PHC2: variants seen among roughly 807,000 people sequenced by gnomAD.
The protein encoded by PHC2 is polyhomeotic homolog 2, also known as polyhomeotic-like protein 2.
A neutral mutation model predicts 87.4 loss-of-function variants in PHC2; 29 were observed. The ratio of observed to expected loss-of-function variants is 0.33; its 90% CI spans 0.25 to 0.45. The LOEUF (loss-of-function observed/expected upper bound fraction) is 0.45. Ranked by LOEUF, PHC2 falls within the 20% of genes least tolerant of loss-of-function variation. The pLI is 1.00. For missense variants in PHC2, 857 were observed against 1,136.7 expected, an observed-to-expected ratio of 0.75 and a Z score of 3.54; for synonymous variants, 438 against 461.7, an observed-to-expected ratio of 0.95 and a Z score of 0.66.
At chr1:33,429,042 A>G (rs1268709354) in intron 1 of PHC2, among the ~76,000 whole-genome samples, 1 of 152,178 alleles carries the variant, frequency 6.6e-6, no homozygotes, top group Non-Finnish European at 1.5e-5. Flanking sequence ...GACATTCAGC[A>G]TTGCTTCCCT....
chr1:33,354,558 C>A lies in PHC2; in HGVS notation c.1401G>T (p.Gln467His). Residue 467 changes from glutamine (Q) to histidine (H), a missense_variant, in exon 9 of 15, where the codon CAG becomes CAT. Gln to His is a conservative substitution (Grantham distance 24). Transcript: ENST00000683057. Reference protein sequence around the residue: ...QLQPASPVPQQCVPDDWKEVA... With the variant: ...QLQPASPVPQHCVPDDWKEVA... ...CTTCTTTCCAGTCATCAGGGACACACTGCTGGGGCTGTCAAAGGACAGGAC... is the reference window on the plus strand; with the variant it reads ...CTTCTTTCCAGTCATCAGGGACACAATGCTGGGGCTGTCAAAGGACAGGAC... The A allele has an allele frequency of 6.2e-7, 1 of 1,613,134 alleles. No homozygotes were observed.
intron 14 of PHC2, chr1:33,325,240 C>T: frequency 1.9e-6 from 1 of 539,364 alleles, no homozygotes; most frequent in Non-Finnish European, 3.3e-6. Flanking sequence ...TCCTATGTTC[C>T]CCTGTTCAGA....
intron 1 of PHC2, chr1:33,392,886 C>A (rs1417552384): frequency 6.6e-6 from 1 of 152,160 alleles, no homozygotes; most frequent in African/African-American, 2.4e-5. Flanking sequence ...TTTTTGCCTG[C>A]AGTATTTCAT....
In PHC2 at chr1:33,349,534, T is replaced by G; in HGVS notation, c.1558+4867A>C. The G allele has an allele frequency of 1.0e-6, 1 of 983,220 alleles. No individual in the cohort carries two copies. Among genetic ancestry groups the G allele is most frequent in the South Asian group, 4.7e-5 (1 of 21,242 alleles). The allele number at this position is 983,220 out of a possible 1,614,324, so 60.9% of individuals were successfully genotyped here. On this transcript the variant is annotated intron_variant, in intron 9 of 14. Transcript: ENST00000683057. The surrounding 1 kb of genome is among the most constrained non-coding windows in gnomAD (Gnocchi z 4.2). ...ACCGAGGGCGGTGCCCGACTTCCAG[T>G]GCGGCGAGCGCGGCCCCCGGCCTCC...
At chr1:33,413,378 GA>G (rs1172048131) in intron 1 of PHC2, among the ~76,000 whole-genome samples, 1 of 152,178 alleles carries the variant, frequency 6.6e-6, no homozygotes, top group Non-Finnish European at 1.5e-5. Context: ...ATCTAACACT[GA>G]AGTATTGAAA....
intron 1 of PHC2, among the ~76,000 whole-genome samples, chr1:33,419,850 C>T (rs1280991612): frequency 2.6e-5 from 4 of 152,026 alleles, no homozygotes; most frequent in African/African-American, 9.7e-5. Context: ...ACCTCGTGAT[C>T]CACCCGCCTC....
At chr1:33,408,443 T>C (rs1649850507) in intron 1 of PHC2, among the ~76,000 whole-genome samples, 1 of 88,018 alleles carries the variant, frequency 1.1e-5, no homozygotes, top group Non-Finnish European at 2.1e-5. Context: ...CTGTTTTTAG[T>C]AGTTTTTTTG....
intron 9 of PHC2, among the ~76,000 whole-genome samples, chr1:33,352,803 G>A (rs114284374): frequency 1.5e-3 from 233 of 152,312 alleles, no homozygotes; most frequent in Non-Finnish European, 2.1e-3. Flanking sequence ...GAAGGTGAGC[G>A]AGTGACTACC....
In PHC2 at chr1:33,349,516, G is replaced by A; in HGVS notation, c.1558+4885C>T. 1.0e-6 allele frequency: 1 copy of A among 982,626 alleles called. No individual in the cohort carries two copies. The highest frequency in any genetic ancestry group is 1.2e-6 in the Non-Finnish European group (1 of 827,544). 60.9% of individuals were successfully genotyped at this position (982,626 alleles called of 1,614,324 possible). ...GCCCGGGCCGTTAGGGGCACCGAGG[G>A]CGGTGCCCGACTTCCAGTGCGGCGA... On this transcript the variant is annotated intron_variant, in intron 9 of 14. Transcript: ENST00000683057. This position sits in a 1 kb window ranked among gnomAD's most constrained non-coding sequence, Gnocchi z 4.2.
chr1:33,344,862 GC>G (rs1382355692), intron 9 of PHC2, among the ~76,000 whole-genome samples: 2 of 151,978 alleles, frequency 1.3e-5, no homozygotes, highest in East Asian at 1.9e-4. Flanking sequence ...TCCTGCCTCG[GC>G]CCCCCAGGCA....
chr1:33,390,472 G>A (rs1482004297), intron 1 of PHC2, among the ~76,000 whole-genome samples: 1 of 152,100 alleles, frequency 6.6e-6, no homozygotes, highest in Non-Finnish European at 1.5e-5. Context: ...CCACAAAGTG[G>A]TCAAGTATAA....
rs1297326562 is a variant in PHC2, at chr1:33,356,255, A to ATATATATATATATATATG, written c.977-1003_977-1002insCATATATATATATATATA. ...CTCTTTGAGGTGAAAATTCTTATAT[A>ATATATATATATATATATG]TATATATATATATATATATATGTAT... On this transcript the variant is annotated intron_variant, in intron 7 of 14. Transcript: ENST00000683057. 5.5e-3 allele frequency among the ~76,000 whole-genome samples: 441 copies of ATATATATATATATATATG among 80,806 alleles called. 8 individuals carry two copies. Among genetic ancestry groups the ATATATATATATATATATG allele is most frequent in the Non-Finnish European group, 7.6e-3 (290 of 38,264 alleles). 53.0% of individuals were successfully genotyped at this position (80,806 alleles called of 152,430 possible).
At chr1:33,365,134 G>A (rs1282460302) in intron 7 of PHC2, among the ~76,000 whole-genome samples, 2 of 152,168 alleles carry the variant, frequency 1.3e-5, no homozygotes, top group East Asian at 3.9e-4. Flanking sequence ...AGTGCGTGAC[G>A]GATGTGGTAA....
intron 13 of PHC2, among the ~76,000 whole-genome samples, 162 bp from the exon 14 acceptor site, chr1:33,329,308 CAG>C (rs1362904775): frequency 1.3e-5 from 2 of 152,204 alleles, no homozygotes; most frequent in Non-Finnish European, 2.9e-5. Context: ...CTACCCTAGG[CAG>C]AGTTAGTCCC....
At chr1:33,401,908 G>C (rs1226581274) in intron 1 of PHC2, among the ~76,000 whole-genome samples, 4 of 151,972 alleles carry the variant, frequency 2.6e-5, no homozygotes, top group Admixed American at 2.6e-4. Context: ...ATTTTTAGGA[G>C]AAAATGTAGG....
intron 1 of PHC2, among the ~76,000 whole-genome samples, chr1:33,415,555 G>C (rs865834410): frequency 7.9e-5 from 12 of 152,050 alleles, no homozygotes; most frequent in African/African-American, 2.9e-4. Flanking sequence ...ACTAATTAAA[G>C]AAATATAATG....
chr1:33,331,882 GCT>G lies in PHC2; in HGVS notation c.1891+391_1891+392del, dbSNP rs762240180. On this transcript the variant is annotated intron_variant, in intron 11 of 14. Transcript: ENST00000683057. The surrounding 1 kb of genome is among the most constrained non-coding windows in gnomAD (Gnocchi z 5.2). ...GAGCCCACGCTCCTGCAGCTGTGCA[GCT>G]CTGTCAGTGCTTCATGTGGAAAGAG... Among the ~76,000 whole-genome samples the G allele has an allele frequency of 6.6e-6, 1 of 152,266 alleles. No homozygotes were observed. Among genetic ancestry groups the G allele is most frequent in the Non-Finnish European group, 1.5e-5 (1 of 68,050 alleles).
intron 7 of PHC2, among the ~76,000 whole-genome samples, chr1:33,365,207 C>T (rs544492692): frequency 3.9e-5 from 6 of 152,276 alleles, no homozygotes; most frequent in Middle Eastern, 3.4e-3. Flanking sequence ...AGACAGCTAC[C>T]GGACAGGGAT....
chr1:33,332,576 G>A lies in PHC2; in HGVS notation c.1762-172C>T, dbSNP rs1399960259. The A allele has an allele frequency of 4.0e-6, 3 of 759,018 alleles. No individual in the cohort carries two copies. Among genetic ancestry groups the A allele is most frequent in the East Asian group, 5.3e-5 (2 of 38,026 alleles). The allele number at this position is 759,018 out of a possible 1,614,324, so 47.0% of individuals were successfully genotyped here. ...CTGGGCTCAAGGCCCTATTTTGCTG[G>A]TTGGCTCACGAGGTAAGATGCTAAT... On this transcript the variant is annotated intron_variant, in intron 10 of 14. Transcript: ENST00000683057. This position sits in a 1 kb window ranked among gnomAD's most constrained non-coding sequence, Gnocchi z 4.2.
Sources: gnomAD v4.1 joint callset for allele counts (sites outside exome capture counted in the v4.1 genomes callset) on GRCh38, gnomAD v4.1.1 for gene constraint, Gnocchi (gnomAD v3.1) non-coding constraint, MANE v1.5 for transcripts, NCBI Gene and HGNC (gene_info 2026-07-23, HGNC 2026-07-21) for gene names.